Variants in DNAJC2 observed in about 807,000 individuals in gnomAD.
The protein encoded by DNAJC2 is DnaJ heat shock protein family (Hsp40) member C2.
In DNAJC2, 32 loss-of-function variants were observed where a neutral mutation model predicts 94.0. The observed-to-expected ratio is 0.34, with a 90% CI of 0.26 to 0.46. The LOEUF (loss-of-function observed/expected upper bound fraction) is 0.46, where lower values mean the gene tolerates loss of function less well. Ranked by LOEUF, DNAJC2 falls within the 20% of genes least tolerant of loss-of-function variation. The pLI, the probability that DNAJC2 is intolerant of heterozygous loss-of-function variation, is 1.00. For missense variants in DNAJC2, 550 were observed against 719.5 expected, an observed-to-expected ratio of 0.76 and a Z score of 2.69; for synonymous variants, 210 against 229.7, an observed-to-expected ratio of 0.91 and a Z score of 0.77.
At position 103,314,024 on chromosome 7, in the gene DNAJC2, AAAAAC is replaced by A. The variant is rs370020947; in HGVS notation, c.1637-928_1637-924del. ...AAAGTTCCTTCCCAATTAAAGAAGG[AAAAAC>A]AAAACAAAACAAAACAAAACCACCA... On this transcript the variant is annotated intron_variant, in intron 15 of 16. Transcript: ENST00000379263. 3.0e-4 allele frequency: 298 copies of A among 985,434 alleles called. 2 individuals carry two copies. In the African/African-American group the frequency reaches 3.9e-3, roughly 13 times the overall value. The allele number at this position is 985,434 out of a possible 1,614,324, so 61.0% of individuals were successfully genotyped here. A position where few individuals can be genotyped will look rare whatever the true frequency, so the allele number is the denominator to read the frequency against.
rs1177646991 is a variant in DNAJC2, at chr7:103,337,741, G to T, written c.326C>A (p.Ala109Glu). Residue 109 changes from alanine (A) to glutamate (E), a missense_variant, in exon 3 of 17, where the codon GCA becomes GAA. Around this residue, in one of 2 missense-constraint regions of DNAJC2, gnomAD observed 279 missense variants for 416.9 expected, o/e 0.67. Transcript: ENST00000379263. ...RYKATQRQIK[A>E]AHKAMVLKHH... ...CAAAATAACTAAGTACTTACGAGCT[G>T]CTTTGATCTGTCTCTGTGTAGCCTT... 1 of 1,612,090 alleles carries T rather than the reference G, an allele frequency of 6.2e-7. No homozygotes were observed. Among genetic ancestry groups the T allele is most frequent in the African/African-American group, 1.3e-5 (1 of 74,830 alleles).
chr7:103,327,738 T>C lies in DNAJC2; in HGVS notation c.348A>G (p.Leu116=), dbSNP rs1422623652. Residue 116 remains leucine (L), a synonymous_variant, in exon 4 of 17, where the codon TTA becomes TTG. Transcript: ENST00000379263. The part of the protein sequence containing the change: ...QIKAAHKAMV[L]KHHPDKRKAA... ...CTTTCCGTTTGTCTGGGTGATGTTT[T>C]AAAACCATTGCTTTATCTACAAAAC... The C allele has an allele frequency of 1.9e-6, 3 of 1,612,576 alleles. No individual in the cohort carries two copies. The highest frequency in any genetic ancestry group is 8.5e-7 in the Non-Finnish European group (1 of 1,179,220).
chr7:103,312,934 T>A lies in DNAJC2; in HGVS notation c.1791+13A>T. On this transcript the variant is annotated intron_variant, in intron 16 of 16. Coordinates refer to ENST00000379263, the MANE Select transcript of DNAJC2 (RefSeq NM_014377.3). ...TTAAAATACAACAATCTATAAACGC[T>A]TAAGTCTGCAACCTTGTATCGTTTC... The A allele has an allele frequency of 6.2e-7, 1 of 1,602,428 alleles. No homozygotes were observed. The highest frequency in any genetic ancestry group is 8.5e-7 in the Non-Finnish European group (1 of 1,177,144).
chr7:103,325,212 G>A (rs1209184826), intron 5 of DNAJC2, among the ~76,000 whole-genome samples: 2 of 152,210 alleles, frequency 1.3e-5, no homozygotes, highest in Non-Finnish European at 2.9e-5. Context: ...GGGAGGCCGA[G>A]GCCAGCGGAT....
intron 4 of DNAJC2, chr7:103,327,359 A>T (rs756812648): frequency 1.2e-4 from 152 of 1,283,422 alleles, no homozygotes; most frequent in Middle Eastern, 2.3e-4. Context: ...TGAGCTTCTG[A>T]TAAGAATCAC....
chr7:103,341,435 A>T (rs1819370265), intron 2 of DNAJC2, among the ~76,000 whole-genome samples: 1 of 152,172 alleles, frequency 6.6e-6, no homozygotes, highest in Non-Finnish European at 1.5e-5. Flanking sequence ...AAGAGGCACT[A>T]CATATTCTTT....
intron 5 of DNAJC2, among the ~76,000 whole-genome samples, chr7:103,325,936 C>T (rs1188273681): frequency 2.6e-5 from 4 of 152,168 alleles, no homozygotes; most frequent in African/African-American, 9.7e-5. Context: ...TGGAAAATTA[C>T]TGTCACCTAA....
At chr7:103,333,502 G>A (rs77781996) in intron 3 of DNAJC2, among the ~76,000 whole-genome samples, 22 of 152,136 alleles carry the variant, frequency 1.4e-4, no homozygotes, top group Non-Finnish European at 2.5e-4. Flanking sequence ...GTCTGATTCA[G>A]CGGAGATAAA....
In DNAJC2 at chr7:103,326,613, C is replaced by T. The variant is rs1372445075; in HGVS notation, c.502G>A (p.Val168Ile). 3 of 1,561,008 alleles carry T rather than the reference C, an allele frequency of 1.9e-6. No homozygotes were observed. Among genetic ancestry groups the T allele is most frequent in the Non-Finnish European group, 2.6e-6 (3 of 1,153,344 alleles). Residue 168 changes from valine (V) to isoleucine (I), a missense_variant, in exon 5 of 17, where the codon GTT (valine) becomes ATT (isoleucine). Coordinates refer to ENST00000379263, the MANE Select transcript of DNAJC2 (RefSeq NM_014377.3). ...NSVDPTFDNSVPSKSEAKDNF... is the reference protein window; with the variant it reads ...NSVDPTFDNSIPSKSEAKDNF... The stretch of plus-strand genomic sequence containing the variant: ...TCCTTTGCTTCACTTTTAGAAGGAA[C>T]TGAGTTATCAAAAGTAGGATCTACA...
Position 103,326,589 on chromosome 7 carries a change from C to T in DNAJC2, c.526G>A (p.Asp176Asn). 3.1e-6 allele frequency: 5 copies of T among 1,613,904 alleles called. No homozygotes were observed. The highest frequency in any genetic ancestry group is 4.2e-6 in the Non-Finnish European group (5 of 1,179,936). The change falls in exon 5 of 17, where the codon GAT becomes AAT. Residue 176 changes from aspartate (D) to asparagine (N), a missense_variant. Physicochemically the swap from Asp to Asn is conservative, Grantham distance 23. This residue lies in a region of DNAJC2 where 279 missense variants were observed against 416.9 expected (regional missense o/e 0.67). Coordinates refer to ENST00000379263, the MANE Select transcript of DNAJC2 (RefSeq NM_014377.3). ...NSVPSKSEAKDNFFEVFTPVF... is the reference protein window; with the variant it reads ...NSVPSKSEAKNNFFEVFTPVF... ...GGGGTAAACACTTCGAAGAAATTAT[C>T]CTTTGCTTCACTTTTAGAAGGAACT...
At chr7:103,322,894 G>C (rs2115887215) in intron 7 of DNAJC2, 100 bp from the exon 8 acceptor site, 1 of 949,588 alleles carries the variant, frequency 1.1e-6, no homozygotes, top group East Asian at 2.6e-5. Context: ...TAACATCCTA[G>C]AGGTTAAAAT....
intron 3 of DNAJC2, among the ~76,000 whole-genome samples, chr7:103,330,103 G>T (rs1048594410): frequency 6.6e-6 from 1 of 152,044 alleles, no homozygotes; most frequent in African/African-American, 2.4e-5. Flanking sequence ...TTATCAAAAC[G>T]GAATGGGTGT....
At chr7:103,344,295 T>C in intron 1 of DNAJC2, 1 of 534,026 alleles carries the variant, frequency 1.9e-6, no homozygotes, top group Admixed American at 3.5e-5. Flanking sequence ...CGTCCCGAAA[T>C]GCTCAGCCCA....
At chr7:103,339,281 T>A (rs1220337758) in intron 2 of DNAJC2, among the ~76,000 whole-genome samples, 1 of 152,226 alleles carries the variant, frequency 6.6e-6, no homozygotes, top group Non-Finnish European at 1.5e-5. Flanking sequence ...CCATATTTGA[T>A]GAATGAAAAT....
intron 12 of DNAJC2, among the ~76,000 whole-genome samples, chr7:103,318,883 C>T (rs1563457911): frequency 6.6e-6 from 1 of 152,156 alleles, no homozygotes; most frequent in Non-Finnish European, 1.5e-5. Context: ...AAACCATAAA[C>T]ATCTAATCCA....
chr7:103,344,426 C>A, intron 1 of DNAJC2, 133 bp downstream of exon 1: 2 of 956,260 alleles, frequency 2.1e-6, no homozygotes, highest in South Asian at 1.4e-5. Context: ...CAAAAAGGCA[C>A]TCGTCACGGC....
At chr7:103,316,660 T>C in intron 13 of DNAJC2, 170 bp downstream of exon 13, 1 of 609,626 alleles carries the variant, frequency 1.6e-6, no homozygotes, top group Non-Finnish European at 2.9e-6. Flanking sequence ...ACTGATGCAA[T>C]GGGTAAGACT....
intron 3 of DNAJC2, among the ~76,000 whole-genome samples, chr7:103,332,465 G>A (rs576752595): frequency 6.6e-6 from 1 of 152,218 alleles, no homozygotes; most frequent in African/African-American, 2.4e-5. Flanking sequence ...AACAGTTTAT[G>A]ATTAACCGAT....
At chr7:103,317,265 C>CATT in intron 12 of DNAJC2, 1 of 425,178 alleles carries the variant, frequency 2.4e-6, no homozygotes, top group African/African-American at 2.0e-5. Context: ...ATGTGACTTC[C>CATT]ATTAGCCTTG....
Sources: allele counts gnomAD v4.1 joint callset (sites outside exome capture counted in the v4.1 genomes callset), GRCh38; gene constraint gnomAD v4.1.1; regional missense constraint gnomAD v4.1.1; transcripts MANE v1.5; gene names NCBI Gene and HGNC (gene_info 2026-07-23, HGNC 2026-07-21).